LYPLAL1: variants seen among roughly 807,000 people sequenced by gnomAD.
LYPLAL1 encodes the protein lysophospholipase-like protein 1.
LYPLAL1 carries 23 observed loss-of-function variants against 19.7 expected under a neutral mutation model. That is an observed-to-expected ratio of 1.17 (90% confidence interval 0.84 to 1.65). The LOEUF is 1.65. Ranked by LOEUF, LYPLAL1 falls within the 40% of genes most tolerant of loss-of-function variation. The pLI, the probability that LYPLAL1 is intolerant of heterozygous loss-of-function variation, is 0.00. For synonymous variants in LYPLAL1, 119 were observed against 96.3 expected, an observed-to-expected ratio of 1.24 and a Z score of -1.38; for missense variants, 355 against 279.4, an observed-to-expected ratio of 1.27 and a Z score of -1.93.
the LYPLAL1 span, among the ~76,000 whole-genome samples, chr1:219,270,208 G>A: frequency 4.8e-4 from 73 of 152,346 alleles, 1 homozygote; most frequent in African/African-American, 1.7e-3. Context: ...GTCAATATCC[G>A]AGATTCATTG....
intron 4 of LYPLAL1, 143 bp from the exon 5 acceptor site, chr1:219,211,349 C>CA: frequency 1.6e-6 from 1 of 628,040 alleles, no homozygotes. Context: ...ATGTATACCT[C>CA]AGACAGCACT....
At chr1:219,414,515 A>G in the LYPLAL1 span, among the ~76,000 whole-genome samples, 1 of 152,238 alleles carries the variant, frequency 6.6e-6, no homozygotes, top group African/African-American at 2.4e-5. Context: ...AACATGGGAC[A>G]ATGGTATTCA....
chr1:219,423,617 GTA>G, the LYPLAL1 span, among the ~76,000 whole-genome samples: 1 of 152,126 alleles, frequency 6.6e-6, no homozygotes, highest in Non-Finnish European at 1.5e-5. Context: ...TGTTTACTAG[GTA>G]TACATTAATG....
chr1:219,424,744 A>T, the LYPLAL1 span, among the ~76,000 whole-genome samples: 4 of 152,200 alleles, frequency 2.6e-5, no homozygotes, highest in Non-Finnish European at 5.9e-5. Context: ...CTTAGTTGGG[A>T]CTGACATTTA....
the LYPLAL1 span, among the ~76,000 whole-genome samples, chr1:219,264,217 A>G: frequency 1.3e-5 from 2 of 152,238 alleles, no homozygotes; most frequent in Non-Finnish European, 2.9e-5. Context: ...ACAGCTGAAT[A>G]TTTACTACTG....
chr1:219,421,783 A>C, the LYPLAL1 span, among the ~76,000 whole-genome samples: 2 of 152,186 alleles, frequency 1.3e-5, no homozygotes, highest in East Asian at 3.9e-4. Flanking sequence ...GTTTCTCGGA[A>C]AAAAAGGTAG....
the LYPLAL1 span, among the ~76,000 whole-genome samples, chr1:219,379,481 G>A: frequency 6.6e-6 from 1 of 152,228 alleles, no homozygotes; most frequent in South Asian, 2.1e-4. Context: ...AGCTCTAAAG[G>A]GGGCATAGAG....
the LYPLAL1 span, among the ~76,000 whole-genome samples, chr1:219,411,033 G>A: frequency 6.6e-6 from 1 of 152,250 alleles, no homozygotes; most frequent in Non-Finnish European, 1.5e-5. Context: ...GCTGAGGAAT[G>A]CGAGCGCACG....
chr1:219,308,500 G>A, the LYPLAL1 span, among the ~76,000 whole-genome samples: 1 of 152,210 alleles, frequency 6.6e-6, no homozygotes, highest in African/African-American at 2.4e-5. Context: ...AGAGGTCTAG[G>A]AGGAAATAAT....
Position 219,212,028 on chromosome 1 carries a change from C to T in LYPLAL1, c.*300C>T, listed in dbSNP as rs1659084478. 5.1e-6 allele frequency: 1 copy of T among 196,588 alleles called. No homozygotes were observed. The highest frequency in any genetic ancestry group is 1.2e-4 in the East Asian group (1 of 8,326). 12.2% of individuals were successfully genotyped at this position (196,588 alleles called of 1,614,324 possible). On this transcript the variant is annotated 3_prime_UTR_variant, in exon 5 of 5. Coordinates refer to ENST00000366928, the MANE Select transcript of LYPLAL1 (RefSeq NM_138794.5). The stretch of plus-strand genomic sequence containing the variant: ...AATATAAATAAGGACAATGAAAAAA[C>T]ATGAAAGGACTTAGCATAATGTTAT...
the LYPLAL1 span, among the ~76,000 whole-genome samples, chr1:219,263,552 C>G: frequency 2.0e-5 from 3 of 152,120 alleles, no homozygotes. Flanking sequence ...AAAATTCATG[C>G]TTGAACTAAA....
At chr1:219,204,079 A>G (rs1190036065) in intron 3 of LYPLAL1, among the ~76,000 whole-genome samples, 3 of 152,188 alleles carry the variant, frequency 2.0e-5, no homozygotes, top group Non-Finnish European at 4.4e-5. Context: ...ATGTTCAGTT[A>G]AAGGGGGTTC....
chr1:219,231,745 G>A, the LYPLAL1 span, among the ~76,000 whole-genome samples: 1 of 152,162 alleles, frequency 6.6e-6, no homozygotes, highest in African/African-American at 2.4e-5. Flanking sequence ...CAATTTCCCT[G>A]TAGACCGTCT....
At chr1:219,359,100 C>A in the LYPLAL1 span, among the ~76,000 whole-genome samples, 3 of 152,124 alleles carry the variant, frequency 2.0e-5, no homozygotes, top group Admixed American at 6.5e-5. Context: ...AGAAACCTTA[C>A]ATCATACTTA....
At chr1:219,403,835 A>T in the LYPLAL1 span, among the ~76,000 whole-genome samples, 1 of 152,222 alleles carries the variant, frequency 6.6e-6, no homozygotes, top group Non-Finnish European at 1.5e-5. Context: ...CCTTTCTGCC[A>T]ATCAGGAACT....
At chr1:219,381,299 G>T in the LYPLAL1 span, among the ~76,000 whole-genome samples, 1 of 152,046 alleles carries the variant, frequency 6.6e-6, no homozygotes, top group Non-Finnish European at 1.5e-5. Context: ...ATGATTGTGA[G>T]CCCTCCCCAG....
chr1:219,370,779 C>T, the LYPLAL1 span, among the ~76,000 whole-genome samples: 9 of 152,178 alleles, frequency 5.9e-5, no homozygotes, highest in African/African-American at 1.9e-4. Context: ...CCCTGGCAGT[C>T]TTTCTGGGCC....
At chr1:219,333,655 A>AT in the LYPLAL1 span, among the ~76,000 whole-genome samples, 1 of 152,194 alleles carries the variant, frequency 6.6e-6, no homozygotes, top group African/African-American at 2.4e-5. Context: ...AGAAATAAGA[A>AT]TTTTTAAAAT....
At chr1:219,286,460 A>C in the LYPLAL1 span, among the ~76,000 whole-genome samples, 9 of 152,138 alleles carry the variant, frequency 5.9e-5, no homozygotes, top group Non-Finnish European at 1.3e-4. Flanking sequence ...TGCAGAGGGG[A>C]GGTCAGTCAA....
Sources: allele counts gnomAD v4.1 joint callset (sites outside exome capture counted in the v4.1 genomes callset), GRCh38; gene constraint gnomAD v4.1.1; transcripts MANE v1.5; gene names NCBI Gene and HGNC (gene_info 2026-07-23, HGNC 2026-07-21).